COL6A6: variants seen among roughly 807,000 people sequenced by gnomAD.
COL6A6 encodes collagen alpha-6(VI) chain.
In COL6A6, 183 loss-of-function variants were observed where a neutral mutation model predicts 208.6. That is an observed-to-expected ratio of 0.88 (90% CI 0.78 to 0.99). COL6A6 has a LOEUF of 0.99. COL6A6 is among the 50% of genes least tolerant of loss of function. The pLI is 0.00. For missense variants in COL6A6, 2,816 were observed against 2,815.2 expected (o/e 1.00, Z -0.01); for synonymous variants, 973 against 1,011.8 (o/e 0.96, Z 0.73).
intron 13 of COL6A6, among the ~76,000 whole-genome samples, 187 bp downstream of exon 13, chr3:130,591,281 T>C (rs772281782): frequency 1.3e-5 from 2 of 152,180 alleles, no homozygotes; most frequent in Non-Finnish European, 2.9e-5. Context: ...TGACCTATTG[T>C]CTCTTCTTTG....
chr3:130,587,695 C>T (rs748636068), intron 11 of COL6A6, among the ~76,000 whole-genome samples: 9 of 152,228 alleles, frequency 5.9e-5, no homozygotes, highest in Non-Finnish European at 1.3e-4. Flanking sequence ...TATGAGAACA[C>T]TTTCCAAGGA....
intron 1 of COL6A6, among the ~76,000 whole-genome samples, chr3:130,552,502 T>G (rs2062665696): frequency 6.6e-6 from 1 of 152,234 alleles, no homozygotes; most frequent in Admixed American, 6.5e-5. Flanking sequence ...TTTTCCTTCA[T>G]GCCTTTACTT....
chr3:130,640,119 T>A (rs1202446749), intron 28 of COL6A6, among the ~76,000 whole-genome samples: 1 of 152,180 alleles, frequency 6.6e-6, no homozygotes, highest in Non-Finnish European at 1.5e-5. Context: ...TAAAATGATT[T>A]TCAACTAAAC....
chr3:130,526,052 G>A (rs2061954702), intron 1 of COL6A6, among the ~76,000 whole-genome samples: 2 of 151,974 alleles, frequency 1.3e-5, no homozygotes, highest in Non-Finnish European at 1.5e-5. Context: ...CAAAGTCCCT[G>A]CTCCAAGGAG....
intron 34 of COL6A6, among the ~76,000 whole-genome samples, chr3:130,660,034 G>A (rs761455990): frequency 9.9e-5 from 15 of 152,150 alleles, no homozygotes; most frequent in Non-Finnish European, 2.2e-4. Context: ...TCCACCCTAT[G>A]TATTCTCAGT....
intron 34 of COL6A6, 88 bp from the exon 35 acceptor site, chr3:130,661,549 A>T: frequency 3.0e-6 from 3 of 1,002,692 alleles, no homozygotes; most frequent in Non-Finnish European, 4.4e-6. Context: ...ATCAAAGACT[A>T]TGCAGTTTCC....
At chr3:130,577,178 A>T (rs1475082964) in intron 8 of COL6A6, among the ~76,000 whole-genome samples, 2 of 152,226 alleles carry the variant, frequency 1.3e-5, no homozygotes, top group South Asian at 2.1e-4. Flanking sequence ...CCAACATCTT[A>T]CATGGTTGGT....
rs752049202 is a variant in COL6A6, at chr3:130,608,763, CTTTTTTTT to C, written c.4690-119_4690-112del. On this transcript the variant is annotated intron_variant, in intron 21 of 36. Transcript: ENST00000358511. Reference sequence around the variant, plus strand: ...CTTTGTATTTGCATTTATTTTTCACCTTTTTTTTTTTTTTTTTTTTTTTTTTTGCAAAG... The same window carrying C: ...CTTTGTATTTGCATTTATTTTTCACCTTTTTTTTTTTTTTTTTTTGCAAAG... 17 of 310,156 alleles carry C rather than the reference CTTTTTTTT, an allele frequency of 5.5e-5. No individual in the cohort carries two copies. The African/African-American group carries it at 5.7e-4, about 10-fold the overall frequency. 19.2% of individuals were successfully genotyped at this position (310,156 alleles called of 1,614,324 possible).
chr3:130,588,985 G>C, intron 11 of COL6A6, 105 bp from the exon 12 acceptor site: 1 of 678,756 alleles, frequency 1.5e-6, no homozygotes, highest in Non-Finnish European at 2.4e-6. Context: ...ATGGTGACCA[G>C]GCTTCTGAAA....
intron 12 of COL6A6, 68 bp from the exon 13 acceptor site, chr3:130,590,973 A>G (rs2063699335): frequency 8.5e-7 from 1 of 1,181,554 alleles, no homozygotes; most frequent in Admixed American, 2.1e-5. Context: ...GTAAAACTGA[A>G]TTTGGTTTGG....
chr3:130,574,180 G>T lies in COL6A6; in HGVS notation c.3202G>T (p.Glu1068Ter). The T allele has an allele frequency of 6.2e-7, 1 of 1,613,966 alleles. No homozygotes were observed. The highest frequency in any genetic ancestry group is 1.1e-5 in the South Asian group (1 of 91,080). ...IGEKEISFQI[E>*]NIKQIFGNTH... ...TGAAAAAGAGATATCATTTCAGATT[G>T]AAAACATCAAGCAGATCTTTGGAAA... The change falls in exon 8 of 37, where the codon GAA (glutamate) becomes TAA (stop). Residue 1068 changes from glutamate to a stop codon, truncating the protein, a stop_gained. Coordinates refer to ENST00000358511, the MANE Select transcript of COL6A6 (RefSeq NM_001102608.3). LOFTEE classifies it high-confidence loss of function.
At chr3:130,674,991 A>T (rs1256385098) in intron 36 of COL6A6, among the ~76,000 whole-genome samples, 1 of 152,198 alleles carries the variant, frequency 6.6e-6, no homozygotes, top group Non-Finnish European at 1.5e-5. Flanking sequence ...CTGCTGAAGT[A>T]ATACTTTTGC....
intron 29 of COL6A6, 85 bp from the exon 30 acceptor site, chr3:130,642,747 A>T: frequency 8.1e-7 from 1 of 1,228,788 alleles, no homozygotes; most frequent in South Asian, 1.4e-5. Context: ...AAAAGTTATC[A>T]CTTTCTGAGG....
rs1577804708 is a variant in COL6A6 at position 130,589,014 on chromosome 3, T to G, written c.4126-76T>G. Reference sequence around the variant, plus strand: ...TCTGAAACTGTGGTAGAAGTCTGGATCGCATGGTTGAACTTGTATATGAGA... The same window carrying G: ...TCTGAAACTGTGGTAGAAGTCTGGAGCGCATGGTTGAACTTGTATATGAGA... On this transcript the variant is annotated intron_variant, in intron 11 of 36. Coordinates refer to ENST00000358511, the MANE Select transcript of COL6A6 (RefSeq NM_001102608.3). 7 of 1,078,666 alleles carry G rather than the reference T, an allele frequency of 6.5e-6. No individual in the cohort carries two copies. The East Asian group carries it at 1.8e-4, about 27-fold the overall frequency. The allele number at this position is 1,078,666 out of a possible 1,614,324, so 66.8% of individuals were successfully genotyped here. A position where few individuals can be genotyped will look rare whatever the true frequency, so the allele number is the denominator to read the frequency against.
chr3:130,666,217 G>GA (rs1331581593), intron 36 of COL6A6, among the ~76,000 whole-genome samples: 2 of 152,112 alleles, frequency 1.3e-5, no homozygotes, highest in African/African-American at 4.8e-5. Flanking sequence ...TCCAAGATTG[G>GA]AAAAAAGCTA....
At chr3:130,673,924 T>C (rs1351731177) in intron 36 of COL6A6, among the ~76,000 whole-genome samples, 1 of 152,114 alleles carries the variant, frequency 6.6e-6, no homozygotes, top group Non-Finnish European at 1.5e-5. Context: ...AACACTGCAC[T>C]CCAGCCTGGG....
chr3:130,569,977 T>A (rs2063121295), intron 6 of COL6A6, among the ~76,000 whole-genome samples: 1 of 152,088 alleles, frequency 6.6e-6, no homozygotes, highest in South Asian at 2.1e-4. Flanking sequence ...AATGGATGAG[T>A]TAATGTTTGG....
chr3:130,593,319 A>T, intron 17 of COL6A6, 67 bp downstream of exon 17: 3 of 1,234,172 alleles, frequency 2.4e-6, no homozygotes, highest in Non-Finnish European at 3.6e-6. Flanking sequence ...AACAGAGTAG[A>T]ATACTCAGTC....
intron 32 of COL6A6, among the ~76,000 whole-genome samples, chr3:130,647,005 TTG>T (rs1381234279): frequency 6.6e-6 from 1 of 152,126 alleles, no homozygotes; most frequent in Non-Finnish European, 1.5e-5. Flanking sequence ...ACCATCAGTG[TTG>T]TGTTTAGGTT....
Sources: allele counts gnomAD v4.1 joint callset (sites outside exome capture counted in the v4.1 genomes callset), GRCh38; gene constraint gnomAD v4.1.1; transcripts MANE v1.5; gene names NCBI Gene and HGNC (gene_info 2026-07-23, HGNC 2026-07-21).